Variants in IGSF11 observed in about 807,000 individuals in gnomAD.
IGSF11 encodes the protein immunoglobulin superfamily member 11.
Under a neutral mutation model 41.0 loss-of-function variants are expected in IGSF11, and 22 were observed. The ratio of observed to expected loss-of-function variants is 0.54; its 90% CI spans 0.38 to 0.77. The LOEUF (loss-of-function observed/expected upper bound fraction) is 0.77, where lower values mean the gene tolerates loss of function less well. Among genes scored for constraint, IGSF11 ranks in the 30% least tolerant of loss-of-function variants. IGSF11 has a pLI of 0.00. For synonymous variants in IGSF11, 219 were observed against 201.3 expected (o/e 1.09, Z -0.74); for missense variants, 444 against 530.8 (o/e 0.84, Z 1.61).
intron 4 of IGSF11, among the ~76,000 whole-genome samples, chr3:118,909,502 C>G (rs1940014663): frequency 6.6e-6 from 1 of 152,094 alleles, no homozygotes; most frequent in Non-Finnish European, 1.5e-5. Context: ...TACTTAATAT[C>G]AAACTCTATT....
Position 119,006,419 on chromosome 3 carries a change from G to A in IGSF11, c.52+28112C>T, listed in dbSNP as rs1277595466. Among the ~76,000 whole-genome samples the A allele has an allele frequency of 7.4e-5, 8 of 108,388 alleles. 1 individual carries two copies. The highest frequency in any genetic ancestry group is 1.2e-4 in the Non-Finnish European group (7 of 58,596). The allele number at this position is 108,388 out of a possible 152,430, so 71.1% of individuals were successfully genotyped here. ...TTGCCTTTGGTTTGAATGTCCTCCC[G>A]TAGCTCAGAGTAATTTGATCGTCTG... is the stretch of plus-strand genomic sequence containing the variant. On this transcript the variant is annotated intron_variant, in intron 1 of 6. Coordinates refer to ENST00000393775, the MANE Select transcript of IGSF11 (RefSeq NM_001015887.3).
intron 1 of IGSF11, among the ~76,000 whole-genome samples, chr3:119,034,288 C>G (rs117145695): frequency 0.011 from 1,629 of 152,282 alleles, 32 homozygotes; most frequent in East Asian, 0.063. Flanking sequence ...GGCCTGGGAC[C>G]GGAGGTAGCC....
intron 1 of IGSF11, among the ~76,000 whole-genome samples, chr3:119,042,935 C>T (rs1011232236): frequency 3.3e-5 from 5 of 152,156 alleles, no homozygotes; most frequent in African/African-American, 4.8e-5. Flanking sequence ...AAGATGGTGG[C>T]GGGCAGCTTC....
chr3:118,987,224 G>C (rs1935346068), intron 1 of IGSF11, among the ~76,000 whole-genome samples: 1 of 152,170 alleles, frequency 6.6e-6, no homozygotes, highest in South Asian at 2.1e-4. Flanking sequence ...ATGCAAAATA[G>C]AATGCCTAAC....
intron 1 of IGSF11, among the ~76,000 whole-genome samples, chr3:119,025,428 C>T (rs1939723908): frequency 6.7e-6 from 1 of 148,240 alleles, no homozygotes; most frequent in Admixed American, 6.7e-5. Flanking sequence ...CTGATCAATC[C>T]TTGTAACAGT....
intron 4 of IGSF11, among the ~76,000 whole-genome samples, chr3:118,912,912 T>C (rs979891205): frequency 1.3e-5 from 2 of 152,042 alleles, no homozygotes; most frequent in African/African-American, 2.4e-5. Context: ...GGTAGGAGGA[T>C]TGCTTAAGGG....
intron 1 of IGSF11, among the ~76,000 whole-genome samples, chr3:119,007,616 T>C (rs571701677): frequency 6.6e-6 from 1 of 152,258 alleles, no homozygotes; most frequent in East Asian, 1.9e-4. Flanking sequence ...TATCCACTTT[T>C]TCACCTATCC....
intron 1 of IGSF11, among the ~76,000 whole-genome samples, chr3:119,091,865 T>TG (rs1349513133): frequency 1.3e-5 from 2 of 151,618 alleles, no homozygotes; most frequent in Non-Finnish European, 2.9e-5. Flanking sequence ...TGAATTTTTT[T>TG]TTAAATAGGA....
intron 1 of IGSF11, among the ~76,000 whole-genome samples, chr3:118,939,631 A>G (rs1278617455): frequency 1.3e-5 from 2 of 151,890 alleles, no homozygotes; most frequent in Non-Finnish European, 2.9e-5. Flanking sequence ...AATCACAAGG[A>G]AGATTAGAAA....
Position 119,034,766 on chromosome 3 carries a change from C to T in IGSF11, c.-184G>A, listed in dbSNP as rs1940786017. 2.3e-6 allele frequency: 3 copies of T among 1,307,326 alleles called. No homozygotes were observed. Among genetic ancestry groups the T allele is most frequent in the African/African-American group, 1.5e-5 (1 of 64,942 alleles). The allele number at this position is 1,307,326 out of a possible 1,614,324, so 81.0% of individuals were successfully genotyped here. On this transcript the variant is annotated 5_prime_UTR_variant, in exon 1 of 7. Transcript: ENST00000393775. ...GACGAGCCAAGTGCAGCTGCAGCGC[C>T]GCCCGGCTCCGCGGACGCTGAGCTG...
Position 119,081,203 on chromosome 3 carries a change from G to A in IGSF11, c.49+23941C>T, listed in dbSNP as rs185472686. Among the ~76,000 whole-genome samples the A allele has an allele frequency of 4.6e-4, 69 of 151,258 alleles. No homozygotes were observed. The East Asian group carries it at 8.8e-3, about 19-fold the overall frequency. On this transcript the variant is annotated intron_variant, in intron 1 of 6. Transcript: ENST00000354673. ...TTTCATCCTCATAGTCCCATTTTTC[G>A]TCTGTTTCTCTTTTGCTCATTTTTA...
intron 1 of IGSF11, among the ~76,000 whole-genome samples, chr3:119,079,899 G>A (rs1330274159): frequency 6.6e-6 from 1 of 152,160 alleles, no homozygotes; most frequent in African/African-American, 2.4e-5. Context: ...GAGGGTATGA[G>A]AAGGGTAAGG....
Position 118,901,262 on chromosome 3 carries a change from C to G in IGSF11, c.*1258G>C, listed in dbSNP as rs1221110044. 1 of 152,052 alleles carries G rather than the reference C, an allele frequency of 6.6e-6. No individual in the cohort carries two copies. The highest frequency in any genetic ancestry group is 1.5e-5 in the Non-Finnish European group (1 of 68,036). The allele number at this position is 152,052 out of a possible 1,614,324, so 9.4% of individuals were successfully genotyped here. A position where few individuals can be genotyped will look rare whatever the true frequency, so the allele number is the denominator to read the frequency against. On this transcript the variant is annotated 3_prime_UTR_variant, in exon 7 of 7. Transcript: ENST00000393775. The stretch of plus-strand genomic sequence containing the variant: ...CAAGGCCAGCCAAGCCAGGTAGTAA[C>G]CACAAAAGTAATCTCTTTACAGTGA...
At chr3:118,965,685 C>T (rs989559925) in intron 1 of IGSF11, among the ~76,000 whole-genome samples, 3 of 152,146 alleles carry the variant, frequency 2.0e-5, no homozygotes, top group Non-Finnish European at 4.4e-5. Flanking sequence ...GGAGACAGAA[C>T]AGATACATTA....
intron 1 of IGSF11, among the ~76,000 whole-genome samples, chr3:119,013,831 A>G (rs1437297400): frequency 6.6e-6 from 1 of 152,224 alleles, no homozygotes; most frequent in Non-Finnish European, 1.5e-5. Flanking sequence ...TTCTCATTCA[A>G]TGTCTCTCTC....
At chr3:119,068,758 CA>C (rs1316249487) in intron 1 of IGSF11, among the ~76,000 whole-genome samples, 2 of 151,998 alleles carry the variant, frequency 1.3e-5, no homozygotes, top group Non-Finnish European at 2.9e-5. Flanking sequence ...AAGTTTTAAG[CA>C]GAACAGTATT....
chr3:118,942,256 G>A (rs928316058), intron 1 of IGSF11, among the ~76,000 whole-genome samples: 1 of 152,164 alleles, frequency 6.6e-6, no homozygotes, highest in African/African-American at 2.4e-5. Context: ...TAACTATACT[G>A]TAAAACTGGC....
At chr3:119,070,229 C>G (rs982991906) in intron 1 of IGSF11, among the ~76,000 whole-genome samples, 1 of 152,076 alleles carries the variant, frequency 6.6e-6, no homozygotes, top group Non-Finnish European at 1.5e-5. Flanking sequence ...GTGTTTTTTC[C>G]TTACTCTTTT....
chr3:119,033,532 C>G (rs1325136674), intron 1 of IGSF11, among the ~76,000 whole-genome samples: 5 of 152,124 alleles, frequency 3.3e-5, no homozygotes, highest in Non-Finnish European at 7.4e-5. Flanking sequence ...CTCCCCTATT[C>G]AATGAATCTG....
Sources: allele counts gnomAD v4.1 joint callset (sites outside exome capture counted in the v4.1 genomes callset), GRCh38; gene constraint gnomAD v4.1.1; transcripts MANE v1.5; gene names NCBI Gene and HGNC (gene_info 2026-07-23, HGNC 2026-07-21).